APOB: variants seen among roughly 807,000 people sequenced by gnomAD.
The protein encoded by APOB is apolipoprotein B-100.
A neutral mutation model predicts 314.1 loss-of-function variants in APOB; 153 were observed. That is an observed-to-expected ratio of 0.49 (90% confidence interval 0.43 to 0.56). The LOEUF is 0.56. Ranked by LOEUF, APOB falls within the 20% of genes least tolerant of loss-of-function variation. The probability of loss-of-function intolerance (pLI) is 0.00; values close to 1 mark genes in which losing one functional copy is unlikely to be tolerated. For missense variants in APOB, 5,430 were observed against 5,350.7 expected (o/e 1.01, Z -0.46); for synonymous variants, 2,087 against 2,036.4 (o/e 1.02, Z -0.67).
At chr2:21,028,204 G>T in intron 13 of APOB, 123 bp downstream of exon 13, 1 of 1,136,396 alleles carries the variant, frequency 8.8e-7, no homozygotes, top group Non-Finnish European at 1.3e-6. Flanking sequence ...GTCTAGATCT[G>T]CTACACATTT....
In APOB at chr2:21,012,588, C is replaced by T. The variant is rs145324793; in HGVS notation, c.4280G>A (p.Arg1427His). 121 of 1,613,464 alleles carry T rather than the reference C, an allele frequency of 7.5e-5. No homozygotes were observed. The highest frequency in any genetic ancestry group is 1.6e-4 in the African/African-American group (12 of 75,000). Residue 1427 changes from arginine (R) to histidine (H), a missense_variant, in exon 26 of 29, where the codon CGC becomes CAC. Arg to His is a conservative substitution (Grantham distance 29). Coordinates refer to ENST00000233242, the MANE Select transcript of APOB (RefSeq NM_000384.3). Reference protein sequence around the residue: ...TFTLSCDGSLRHKFLDSNIKF... With the variant: ...TFTLSCDGSLHHKFLDSNIKF... ...GATATTCGAATCTAGAAATTTGTGG[C>T]GTAGAGACCCATCACATGATAGTGT...
chr2:21,024,919 G>A lies in APOB; in HGVS notation c.2436+14C>T. 8.1e-6 allele frequency: 13 copies of A among 1,613,806 alleles called. No homozygotes were observed. The highest frequency in any genetic ancestry group is 1.1e-5 in the Non-Finnish European group (13 of 1,179,872). On this transcript the variant is annotated intron_variant, in intron 16 of 28. Coordinates refer to ENST00000233242, the MANE Select transcript of APOB (RefSeq NM_000384.3). The stretch of plus-strand genomic sequence containing the variant: ...TCTGGTCTCATGGGCCCCCAGTGGG[G>A]CCTGCTGACTTACCATCTGGGGGAT...
chr2:21,013,573 A>G (rs1663390935), intron 24 of APOB, 40 bp from the exon 25 acceptor site: 1 of 1,613,152 alleles, frequency 6.2e-7, no homozygotes, highest in East Asian at 2.2e-5. Flanking sequence ...ACAGTCAGAC[A>G]TCAGTCATTC....
In APOB at chr2:21,022,933, A is replaced by G; in HGVS notation, c.2714T>C (p.Phe905Ser). ...ARSGVQMNTN[F>S]FHESGLEAHV... is the part of the protein sequence containing the mutation. ...AGCCTCCAGACCCGACTCGTGGAAG[A>G]AGTTGGTGTTCATCTGGACCCCACT... The change falls in exon 18 of 29, where the codon TTC (phenylalanine) becomes TCC (serine). Residue 905 changes from phenylalanine to serine, a missense_variant. Transcript: ENST00000233242. The G allele has an allele frequency of 6.2e-7, 1 of 1,614,174 alleles. No homozygotes were observed. Among genetic ancestry groups the G allele is most frequent in the Non-Finnish European group, 8.5e-7 (1 of 1,180,016 alleles).
Position 21,005,884 on chromosome 2 carries a change from C to G in APOB, c.10984G>C (p.Ala3662Pro), listed in dbSNP as rs1663119903. ...CTTAGGTGTCCTTCTAAGGATCCTG[C>G]AATGTCAAGGTGTGCCTTTTCTTGG... Reference protein sequence around the residue: ...NDQEKAHLDIAGSLEGHLRFL... With the variant: ...NDQEKAHLDIPGSLEGHLRFL... Residue 3662 changes from alanine (A) to proline (P), a missense_variant, in exon 26 of 29, where the codon GCA becomes CCA. Transcript: ENST00000233242. 4 of 1,613,968 alleles carry G rather than the reference C, an allele frequency of 2.5e-6. No homozygotes were observed. The highest frequency in any genetic ancestry group is 3.4e-6 in the Non-Finnish European group (4 of 1,179,960).
intron 1 of APOB, 26 bp downstream of exon 1, chr2:21,043,838 C>T: frequency 2.0e-6 from 3 of 1,531,992 alleles, no homozygotes; most frequent in Non-Finnish European, 2.6e-6. Context: ...GCTCCCTCTG[C>T]GCCCGCAGAG....
At position 21,009,607 on chromosome 2, in the gene APOB, C is replaced by A; in HGVS notation, c.7261G>T (p.Asp2421Tyr). The A allele has an allele frequency of 6.2e-7, 1 of 1,613,812 alleles. No individual in the cohort carries two copies. The highest frequency in any genetic ancestry group is 1.1e-5 in the South Asian group (1 of 91,036). ...GACTTTAATTTCTTTATCAACATGT[C>A]AAGGAATTTGTTAACATCTTCAATG... Reference protein sequence around the residue: ...TFIEDVNKFLDMLIKKLKSFD... With the variant: ...TFIEDVNKFLYMLIKKLKSFD... The change falls in exon 26 of 29, where the codon GAC (aspartate) becomes TAC (tyrosine). Residue 2421 changes from aspartate (D) to tyrosine (Y), a missense_variant. Physicochemically the swap from Asp to Tyr is radical, Grantham distance 160 (BLOSUM62 -3). Around this residue, in one of 3 missense-constraint regions of APOB, gnomAD observed 3,281 missense variants for 3,171.0 expected, o/e 1.03. Transcript: ENST00000233242.
Position 21,029,651 on chromosome 2 carries a change from C to T in APOB, c.1605G>A (p.Glu535=), listed in dbSNP as rs763856498. 8.1e-6 allele frequency: 13 copies of T among 1,614,062 alleles called. No homozygotes were observed. In the Admixed American group the frequency reaches 2.0e-4, roughly 25 times the overall value. Residue 535 remains glutamate (E), a synonymous_variant, in exon 12 of 29, where the codon GAG becomes GAA. Coordinates refer to ENST00000233242, the MANE Select transcript of APOB (RefSeq NM_000384.3). ...KAAIQALRKM[E]PKDKDQEVLL... ...TTGTGGACTTTACCTTGTCTTTAGG[C>T]TCCATTTTCCGCAGAGCCTGGATGG... is the stretch of plus-strand genomic sequence containing the variant.
Position 21,040,929 on chromosome 2 carries a change from A to G in APOB, c.383+9T>C, listed in dbSNP as rs1259640171. ...ACACATGCGTGTGCTCATGTACAAC[A>G]TGACTTACCTGGACATGGCTGCAGC... On this transcript the variant is annotated intron_variant, in intron 4 of 28. Transcript: ENST00000233242. The G allele has an allele frequency of 3.7e-6, 6 of 1,613,846 alleles. No homozygotes were observed. The highest frequency in any genetic ancestry group is 5.1e-6 in the Non-Finnish European group (6 of 1,180,012).
intron 9 of APOB, among the ~76,000 whole-genome samples, chr2:21,032,907 C>T (rs1663914888): frequency 6.6e-6 from 1 of 152,154 alleles, no homozygotes; most frequent in Non-Finnish European, 1.5e-5. Flanking sequence ...CCTTCTCTCA[C>T]CTTCATAGCA....
chr2:21,020,022 T>A (rs1418240304), intron 18 of APOB, 117 bp from the exon 19 acceptor site: 3 of 873,680 alleles, frequency 3.4e-6, no homozygotes, highest in Non-Finnish European at 5.8e-6. Flanking sequence ...TCCACACCTA[T>A]CTCTAACTAT....
Position 21,022,963 on chromosome 2 carries a change from G to T in APOB, c.2684C>A (p.Ala895Asp). ...TNMGIIIPDF[A>D]RSGVQMNTNF... ...GGTGTTCATCTGGACCCCACTCCTA[G>T]CGAAGTCCGGAATGATGATGCCCAT... Residue 895 changes from alanine to aspartate, a missense_variant, in exon 18 of 29, where the codon GCT becomes GAT. Around this residue, in one of 3 missense-constraint regions of APOB, gnomAD observed 2,085 missense variants for 2,079.7 expected, o/e 1.00. Transcript: ENST00000233242. 6.2e-7 allele frequency: 1 copy of T among 1,614,188 alleles called. No individual in the cohort carries two copies.
chr2:21,018,582 A>T (rs562956), intron 20 of APOB, among the ~76,000 whole-genome samples: 152,286 of 152,310 alleles, frequency 1, 76,131 homozygotes, highest in Middle Eastern at 1. Flanking sequence ...CTTATTTCTG[A>T]TAGGTCTCCT....
At position 21,029,187 on chromosome 2, in the gene APOB, C is replaced by T. The variant is rs935482997; in HGVS notation, c.1617+452G>A. ...AGTAGAGGCCAGGTGCAGTGGCTCA[C>T]GCCTGTAATCCCAGCACTTTGCAAG... On this transcript the variant is annotated intron_variant, in intron 12 of 28. Transcript: ENST00000233242. Among the ~76,000 whole-genome samples, 27 of 152,322 alleles carry T rather than the reference C, an allele frequency of 1.8e-4. 1 individual carries two copies. The highest frequency in any genetic ancestry group is 4.1e-4 in the South Asian group (2 of 4,830).
At chr2:21,039,370 C>G (rs1262014141) in intron 4 of APOB, among the ~76,000 whole-genome samples, 2 of 152,206 alleles carry the variant, frequency 1.3e-5, no homozygotes, top group Non-Finnish European at 2.9e-5. Context: ...ACTTGTTGGA[C>G]AGTCATTCTT....
Position 21,008,733 on chromosome 2 carries a change from C to T in APOB, c.8135G>A (p.Arg2712His), listed in dbSNP as rs368283618. The T allele has an allele frequency of 1.5e-5, 25 of 1,613,914 alleles. No homozygotes were observed. The highest frequency in any genetic ancestry group is 1.1e-4 in the African/African-American group (8 of 74,872). ...TTCTGGAATTGCGATTTCTGGTAAACGGAAGTCTGGCAGGGTGATTCTCGC... is the reference window on the plus strand; with the variant it reads ...TTCTGGAATTGCGATTTCTGGTAAATGGAAGTCTGGCAGGGTGATTCTCGC... Reference protein sequence around the residue: ...PLARITLPDFRLPEIAIPEFI... With the variant: ...PLARITLPDFHLPEIAIPEFI... The change falls in exon 26 of 29, where the codon CGT (arginine) becomes CAT (histidine). Residue 2712 changes from arginine to histidine, a missense_variant. Arg to His is a conservative substitution (Grantham distance 29). Coordinates refer to ENST00000233242, the MANE Select transcript of APOB (RefSeq NM_000384.3).
chr2:21,028,035 T>C lies in APOB; in HGVS notation c.1860A>G (p.Lys620=). 1 of 1,613,282 alleles carries C rather than the reference T, an allele frequency of 6.2e-7. No individual in the cohort carries two copies. Residue 620 remains lysine, a synonymous_variant, in exon 14 of 29, where the codon AAA becomes AAG. Coordinates refer to ENST00000233242, the MANE Select transcript of APOB (RefSeq NM_000384.3). ...DLKKLVKEAL[K]ESQLPTVMDF... ...CCATGACAGTTGGAAGTTGAGATTC[T>C]TTCAGAGCTTCTTTCACTAACTTTT...
Position 21,023,004 on chromosome 2 carries a change from C to G in APOB, c.2643G>C (p.Val881=). 6.2e-7 allele frequency: 1 copy of G among 1,614,200 alleles called. No homozygotes were observed. Among genetic ancestry groups the G allele is most frequent in the Non-Finnish European group, 8.5e-7 (1 of 1,180,034 alleles). Residue 881 remains valine, a synonymous_variant, in exon 18 of 29, where the codon GTG becomes GTC. Transcript: ENST00000233242. ...TGATGCCCATATTTGTCACAAACTC[C>G]ACAGACACGGAGGGTTTTGCCACCA... is the stretch of plus-strand genomic sequence containing the variant. ...AELVAKPSVS[V]EFVTNMGIII... is the part of the protein sequence containing the mutation.
At chr2:21,024,605 C>T (rs1663687641) in intron 16 of APOB, 3 of 499,756 alleles carry the variant, frequency 6.0e-6, no homozygotes, top group Non-Finnish European at 7.0e-6. Flanking sequence ...GAGCAAGACT[C>T]CATCTCAAAA....
Sources: gnomAD v4.1 joint callset for allele counts (sites outside exome capture counted in the v4.1 genomes callset) on GRCh38, gnomAD v4.1.1 for gene constraint, gnomAD v4.1.1 regional missense constraint, MANE v1.5 for transcripts, NCBI Gene and HGNC (gene_info 2026-07-23, HGNC 2026-07-21) for gene names.